PIWIL2: variants seen among roughly 807,000 people sequenced by gnomAD.
The protein encoded by PIWIL2 is piwi like RNA-mediated gene silencing 2, also known as piwi-like protein 2.
Under a neutral mutation model 116.5 loss-of-function variants are expected in PIWIL2, and 81 were observed. That is an observed-to-expected ratio of 0.70 (90% CI 0.58 to 0.84). PIWIL2 has a LOEUF of 0.84. Among genes scored for constraint, PIWIL2 ranks in the 40% least tolerant of loss-of-function variants. PIWIL2 has a pLI of 0.00. For missense variants in PIWIL2, 1,272 were observed against 1,212.3 expected, an observed-to-expected ratio of 1.05 and a Z score of -0.73; for synonymous variants, 489 against 429.5, an observed-to-expected ratio of 1.14 and a Z score of -1.71.
Position 22,316,283 on chromosome 8 carries a change from C to T in PIWIL2, c.2247C>T (p.Asp749=), listed in dbSNP as rs1586572032. The change falls in exon 19 of 23, where the codon GAC becomes GAT. Residue 749 remains aspartate, a synonymous_variant. Coordinates refer to ENST00000356766, the MANE Select transcript of PIWIL2 (RefSeq NM_018068.5). ...LMVIGMDVYH[D]PSRGMRSVVG... is the part of the protein sequence containing the mutation. ...TGATCGGGATGGATGTTTACCATGA[C>T]CCCAGTAGAGGCATGCGCTCCGTGG... 4 of 1,613,352 alleles carry T rather than the reference C, an allele frequency of 2.5e-6. No homozygotes were observed. In the East Asian group the frequency reaches 8.9e-5, roughly 36 times the overall value.
At chr8:22,347,227 T>TG (rs1036559464) in intron 20 of PIWIL2, among the ~76,000 whole-genome samples, 2 of 151,050 alleles carry the variant, frequency 1.3e-5, no homozygotes, top group Non-Finnish European at 3.0e-5. Flanking sequence ...TTTTTTTTTT[T>TG]TTTGAGACAG....
At chr8:22,342,086 A>G (rs1832124013) in intron 20 of PIWIL2, among the ~76,000 whole-genome samples, 1 of 152,164 alleles carries the variant, frequency 6.6e-6, no homozygotes. Context: ...AAAATGGAGT[A>G]CTTTGGTTTC....
chr8:22,349,431 A>AAG (rs1319674310), intron 20 of PIWIL2, among the ~76,000 whole-genome samples: 1 of 145,950 alleles, frequency 6.9e-6, no homozygotes, highest in Non-Finnish European at 1.5e-5. Flanking sequence ...ATATATATAT[A>AAG]TATATATATA....
intron 20 of PIWIL2, among the ~76,000 whole-genome samples, chr8:22,323,665 T>C (rs562789314): frequency 6.6e-6 from 1 of 152,342 alleles, no homozygotes; most frequent in African/African-American, 2.4e-5. Context: ...ACAATATTAG[T>C]GTTATTTCAT....
At chr8:22,326,426 G>A (rs1051022971) in intron 20 of PIWIL2, among the ~76,000 whole-genome samples, 3 of 152,052 alleles carry the variant, frequency 2.0e-5, no homozygotes, top group Non-Finnish European at 4.4e-5. Context: ...GGGGGCTGAG[G>A]TAAGAGGATC....
At chr8:22,342,927 C>T (rs1832143110) in intron 20 of PIWIL2, among the ~76,000 whole-genome samples, 1 of 152,060 alleles carries the variant, frequency 6.6e-6, no homozygotes, top group Non-Finnish European at 1.5e-5. Context: ...ATGAACAACC[C>T]AATTAGAAAA....
At chr8:22,341,803 G>T (rs1487274948) in intron 20 of PIWIL2, among the ~76,000 whole-genome samples, 1 of 152,010 alleles carries the variant, frequency 6.6e-6, no homozygotes, top group Non-Finnish European at 1.5e-5. Flanking sequence ...AGTAAGCAAA[G>T]GAAATTAAAG....
chr8:22,301,483 G>A (rs1333268958), intron 10 of PIWIL2, among the ~76,000 whole-genome samples: 1 of 149,942 alleles, frequency 6.7e-6, no homozygotes, highest in Admixed American at 6.6e-5. Flanking sequence ...TAGTAGAGAT[G>A]GGGTTTCACC....
At chr8:22,328,580 A>T (rs906384433) in intron 20 of PIWIL2, among the ~76,000 whole-genome samples, 1 of 152,074 alleles carries the variant, frequency 6.6e-6, no homozygotes, top group African/African-American at 2.4e-5. Flanking sequence ...ATGTCTTTCT[A>T]TTTATTTAGA....
At position 22,287,525 on chromosome 8, in the gene PIWIL2, C is replaced by T. The variant is rs1159708898; in HGVS notation, c.744-3C>T. ...AAGGAAAATCCTCTTCATTATTTTC[C>T]AGCCCCAATGTGGAGTGCAAAAGCA... is the stretch of plus-strand genomic sequence containing the variant. On this transcript the variant is annotated splice_polypyrimidine_tract_variant and splice_region_variant and intron_variant, in intron 6 of 22. Coordinates refer to ENST00000356766, the MANE Select transcript of PIWIL2 (RefSeq NM_018068.5). 3.8e-6 allele frequency: 6 copies of T among 1,595,884 alleles called. No individual in the cohort carries two copies. Among genetic ancestry groups the T allele is most frequent in the Non-Finnish European group, 5.2e-6 (6 of 1,163,342 alleles).
chr8:22,342,603 G>A (rs578015741), intron 20 of PIWIL2, among the ~76,000 whole-genome samples: 4 of 152,250 alleles, frequency 2.6e-5, no homozygotes, highest in Non-Finnish European at 4.4e-5. Flanking sequence ...GACCATACAC[G>A]TTTTGCAAAA....
chr8:22,325,975 C>T (rs1831715918), intron 20 of PIWIL2, among the ~76,000 whole-genome samples: 1 of 152,166 alleles, frequency 6.6e-6, no homozygotes, highest in South Asian at 2.1e-4. Context: ...GCCATCCGCA[C>T]TCTCTTGTTC....
At chr8:22,295,189 G>T (rs1382224402) in intron 10 of PIWIL2, among the ~76,000 whole-genome samples, 1 of 151,764 alleles carries the variant, frequency 6.6e-6, no homozygotes, top group Admixed American at 6.6e-5. Flanking sequence ...TCGAGACAAG[G>T]TCTCATTTCA....
At chr8:22,323,669 A>G (rs1184538933) in intron 20 of PIWIL2, among the ~76,000 whole-genome samples, 2 of 152,192 alleles carry the variant, frequency 1.3e-5, no homozygotes, top group East Asian at 3.8e-4. Context: ...TATTAGTGTT[A>G]TTTCATCTCA....
intron 6 of PIWIL2, among the ~76,000 whole-genome samples, chr8:22,284,984 G>A (rs778375907): frequency 6.6e-6 from 1 of 152,098 alleles, no homozygotes; most frequent in African/African-American, 2.4e-5. Flanking sequence ...TTGTGTATAT[G>A]TATGAGTACA....
chr8:22,331,599 C>G (rs1173488462), intron 20 of PIWIL2, among the ~76,000 whole-genome samples: 2 of 152,228 alleles, frequency 1.3e-5, no homozygotes, highest in South Asian at 4.1e-4. Context: ...ATGAAAACTA[C>G]AGTAACTGAA....
chr8:22,309,942 T>C lies in PIWIL2; in HGVS notation c.1687-19T>C, dbSNP rs1368144151. 7.0e-7 allele frequency: 1 copy of C among 1,418,628 alleles called. No individual in the cohort carries two copies. 87.9% of individuals were successfully genotyped at this position (1,418,628 alleles called of 1,614,324 possible). On this transcript the variant is annotated intron_variant, in intron 14 of 22. Coordinates refer to ENST00000356766, the MANE Select transcript of PIWIL2 (RefSeq NM_018068.5). ...CGTTTGAAAAGGCTCATGTCATAGA[T>C]GGTTTATTTTCTGTTTAGATTGAAG...
At chr8:22,285,132 G>A (rs958390975) in intron 6 of PIWIL2, among the ~76,000 whole-genome samples, 5 of 152,156 alleles carry the variant, frequency 3.3e-5, no homozygotes, top group African/African-American at 1.2e-4. Context: ...AATACACGCT[G>A]TTGTTAACTA....
intron 20 of PIWIL2, chr8:22,321,954 A>G: frequency 2.0e-6 from 2 of 984,682 alleles, no homozygotes; most frequent in Non-Finnish European, 2.4e-6. Flanking sequence ...CATTTTCTCC[A>G]TTCTAAATCT....
Sources: gnomAD v4.1 joint callset for allele counts (sites outside exome capture counted in the v4.1 genomes callset) on GRCh38, gnomAD v4.1.1 for gene constraint, MANE v1.5 for transcripts, NCBI Gene and HGNC (gene_info 2026-07-23, HGNC 2026-07-21) for gene names.